HES2: variants seen among roughly 807,000 people sequenced by gnomAD.
The protein encoded by HES2 is hes family bHLH transcription factor 2.
Under a neutral mutation model 11.9 loss-of-function variants are expected in HES2, and 11 were observed. The observed-to-expected ratio is 0.92, with a 90% confidence interval of 0.58 to 1.53. HES2 has a LOEUF of 1.53. HES2 is among the 40% of genes most tolerant of loss of function. The probability of loss-of-function intolerance (pLI) is 0.00; values close to 1 mark genes in which losing one functional copy is unlikely to be tolerated. For missense variants in HES2, 260 were observed against 253.8 expected (o/e 1.02, Z -0.16); for synonymous variants, 125 against 122.8 (o/e 1.02, Z -0.12).
At position 6,419,225 on chromosome 1, in the gene HES2, G is replaced by A; in HGVS notation, c.241+16C>T. On this transcript the variant is annotated intron_variant, in intron 3 of 3. Coordinates refer to ENST00000377834, the MANE Select transcript of HES2 (RefSeq NM_019089.5). The surrounding 1 kb of genome is among the most constrained non-coding windows in gnomAD (Gnocchi z 8.1). ...GGGGTGCAGAGCGCGCGGCAGGGCA[G>A]GGAGGGCTCACTCACGGGGCGCTGC... 2 of 1,604,540 alleles carry A rather than the reference G, an allele frequency of 1.2e-6. No individual in the cohort carries two copies. Among genetic ancestry groups the A allele is most frequent in the African/African-American group, 1.3e-5 (1 of 74,522 alleles).
chr1:6,417,473 AATG>A lies in HES2; in HGVS notation c.*1397_*1399del, dbSNP rs1413736018. 2 of 152,194 alleles carry A rather than the reference AATG, an allele frequency of 1.3e-5. No homozygotes were observed. The highest frequency in any genetic ancestry group is 2.9e-5 in the Non-Finnish European group (2 of 68,046). 9.4% of individuals were successfully genotyped at this position (152,194 alleles called of 1,614,324 possible). On this transcript the variant is annotated 3_prime_UTR_variant, in exon 4 of 4. Coordinates refer to ENST00000377834, the MANE Select transcript of HES2 (RefSeq NM_019089.5). ...CTATGATTTCATGAATCCCCCATGAAATGATGGGTGTTTGCCTGATTATGGGCC... is the reference window on the plus strand; with the variant it reads ...CTATGATTTCATGAATCCCCCATGAAATGGGTGTTTGCCTGATTATGGGCC...
In HES2 at chr1:6,416,780, C is replaced by G. The variant is rs1305089290; in HGVS notation, c.*2093G>C. On this transcript the variant is annotated 3_prime_UTR_variant, in exon 4 of 4. Transcript: ENST00000377834. Reference sequence around the variant, plus strand: ...GGACAAGGGGCCAGTCCTGTGCCTGCCTGATGTGGAGTCCTAGGCGGGCTT... The same window carrying G: ...GGACAAGGGGCCAGTCCTGTGCCTGGCTGATGTGGAGTCCTAGGCGGGCTT... 6.6e-6 allele frequency: 1 copy of G among 152,252 alleles called. No homozygotes were observed. The highest frequency in any genetic ancestry group is 1.5e-5 in the Non-Finnish European group (1 of 68,076). The allele number at this position is 152,252 out of a possible 1,614,324, so 9.4% of individuals were successfully genotyped here.
At position 6,415,626 on chromosome 1, in the gene HES2, C is replaced by T. The variant is rs11364; in HGVS notation, c.*3247G>A. The T allele has an allele frequency of 0.27, 41,017 of 151,946 alleles. 8,879 individuals carry two copies. Among genetic ancestry groups the T allele is most frequent in the African/African-American group, 0.6 (25,017 of 41,358 alleles). 9.4% of individuals were successfully genotyped at this position (151,946 alleles called of 1,614,324 possible). On this transcript the variant is annotated 3_prime_UTR_variant, in exon 4 of 4. Coordinates refer to ENST00000377834, the MANE Select transcript of HES2 (RefSeq NM_019089.5). ...TCCTCACTCACGTGGAAATGAGATT[C>T]GACCTCTCCTAATCACCTGGTGCCC... is the stretch of plus-strand genomic sequence containing the variant.
Position 6,418,271 on chromosome 1 carries a change from A to G in HES2, c.*602T>C, listed in dbSNP as rs1642872125. ...AGACCCCTGGATGTATACTGCCCCT[A>G]TAATTCTGCTCTAGGCAGAAAAGCC... On this transcript the variant is annotated 3_prime_UTR_variant, in exon 4 of 4. Coordinates refer to ENST00000377834, the MANE Select transcript of HES2 (RefSeq NM_019089.5). 1.3e-5 allele frequency: 2 copies of G among 152,454 alleles called. No individual in the cohort carries two copies. The highest frequency in any genetic ancestry group is 3.4e-3 in the Middle Eastern group (1 of 294). 9.4% of individuals were successfully genotyped at this position (152,454 alleles called of 1,614,324 possible). A position where few individuals can be genotyped will look rare whatever the true frequency, so the allele number is the denominator to read the frequency against.
chr1:6,417,522 G>A lies in HES2; in HGVS notation c.*1351C>T, dbSNP rs544332678. On this transcript the variant is annotated 3_prime_UTR_variant, in exon 4 of 4. Transcript: ENST00000377834. ...GGGCCAACAGTGCCCCCCACTCCTCGTGGGCACTCCTGGGATCAGCAGCCC... is the reference window on the plus strand; with the variant it reads ...GGGCCAACAGTGCCCCCCACTCCTCATGGGCACTCCTGGGATCAGCAGCCC... 7.9e-5 allele frequency: 12 copies of A among 152,298 alleles called. No individual in the cohort carries two copies. Among genetic ancestry groups the A allele is most frequent in the East Asian group, 3.9e-4 (2 of 5,184 alleles). 9.4% of individuals were successfully genotyped at this position (152,298 alleles called of 1,614,324 possible). A position where few individuals can be genotyped will look rare whatever the true frequency, so the allele number is the denominator to read the frequency against.
At position 6,416,272 on chromosome 1, in the gene HES2, C is replaced by T. The variant is rs1237501506; in HGVS notation, c.*2601G>A. On this transcript the variant is annotated 3_prime_UTR_variant, in exon 4 of 4. Transcript: ENST00000377834. ...CTCCCTCTGCACAGGAAAAGCCCAC[C>T]GCCCTGCGTTCACCTTTGCCCATCA... 3 of 152,270 alleles carry T rather than the reference C, an allele frequency of 2.0e-5. No individual in the cohort carries two copies. Among genetic ancestry groups the T allele is most frequent in the South Asian group, 2.1e-4 (1 of 4,824 alleles). 9.4% of individuals were successfully genotyped at this position (152,270 alleles called of 1,614,324 possible).
Position 6,418,906 on chromosome 1 carries a change from A to C in HES2, c.489T>G (p.Pro163=), listed in dbSNP as rs1410836571. 2 of 1,315,026 alleles carry C rather than the reference A, an allele frequency of 1.5e-6. No homozygotes were observed. The highest frequency in any genetic ancestry group is 6.2e-5 in the East Asian group (2 of 32,222). 81.5% of individuals were successfully genotyped at this position (1,315,026 alleles called of 1,614,324 possible). ...GCCGCCAGAGGCCAGGGCCGCAGGG[A>C]GGCGAGGGCGGCGAGGGCACCGGAG... ...ASAPVPSPPS[P]PCGPGLWRPW Residue 163 remains proline (P), a synonymous_variant, in exon 4 of 4, where the codon CCT becomes CCG. Transcript: ENST00000377834.
chr1:6,418,882 C>A lies in HES2; in HGVS notation c.513G>T (p.Arg171=). The change falls in exon 4 of 4, where the codon CGG becomes CGT. Residue 171 remains arginine (R), a synonymous_variant. Coordinates refer to ENST00000377834, the MANE Select transcript of HES2 (RefSeq NM_019089.5). The part of the protein sequence containing the change: ...PSPPCGPGLW[R]PW Reference sequence around the variant, plus strand: ...TGGATCGGCCGAGGGGCTACCACGGCCGCCAGAGGCCAGGGCCGCAGGGAG... The same window carrying A: ...TGGATCGGCCGAGGGGCTACCACGGACGCCAGAGGCCAGGGCCGCAGGGAG... 1 of 1,306,302 alleles carries A rather than the reference C, an allele frequency of 7.7e-7. No individual in the cohort carries two copies. The highest frequency in any genetic ancestry group is 1.5e-5 in the African/African-American group (1 of 64,920). 80.9% of individuals were successfully genotyped at this position (1,306,302 alleles called of 1,614,324 possible).
At position 6,419,472 on chromosome 1, in the gene HES2, C is replaced by G. The variant is rs1383471479; in HGVS notation, c.142-132G>C. On this transcript the variant is annotated intron_variant, in intron 2 of 3. Transcript: ENST00000377834. The surrounding 1 kb of genome is among the most constrained non-coding windows in gnomAD (Gnocchi z 8.1). ...GTGGCCTGCTGGGGGTCCGCTCCGA[C>G]GCGCCCACCCCACCCAGGCTCCGCC... is the stretch of plus-strand genomic sequence containing the variant. The G allele has an allele frequency of 8.7e-7, 1 of 1,151,768 alleles. No individual in the cohort carries two copies. Among genetic ancestry groups the G allele is most frequent in the East Asian group, 2.8e-5 (1 of 36,166 alleles). The allele number at this position is 1,151,768 out of a possible 1,614,324, so 71.3% of individuals were successfully genotyped here. A position where few individuals can be genotyped will look rare whatever the true frequency, so the allele number is the denominator to read the frequency against.
Position 6,419,352 on chromosome 1 carries a change from C to T in HES2, c.142-12G>A. 1 of 1,603,728 alleles carries T rather than the reference C, an allele frequency of 6.2e-7. No individual in the cohort carries two copies. The highest frequency in any genetic ancestry group is 8.5e-7 in the Non-Finnish European group (1 of 1,174,670). ...GAGCAGTTGGAGTTCTGCGCCCGGCCACGAGGAAGAGCGACAGAGAACCAC... is the reference window on the plus strand; with the variant it reads ...GAGCAGTTGGAGTTCTGCGCCCGGCTACGAGGAAGAGCGACAGAGAACCAC... On this transcript the variant is annotated splice_polypyrimidine_tract_variant and intron_variant, in intron 2 of 3. Coordinates refer to ENST00000377834, the MANE Select transcript of HES2 (RefSeq NM_019089.5). The surrounding 1 kb of genome is among the most constrained non-coding windows in gnomAD (Gnocchi z 8.1).
At position 6,415,770 on chromosome 1, in the gene HES2, C is replaced by G. The variant is rs1177656262; in HGVS notation, c.*3103G>C. The G allele has an allele frequency of 6.6e-6, 1 of 152,250 alleles. No homozygotes were observed. Among genetic ancestry groups the G allele is most frequent in the Non-Finnish European group, 1.5e-5 (1 of 68,196 alleles). 9.4% of individuals were successfully genotyped at this position (152,250 alleles called of 1,614,324 possible). On this transcript the variant is annotated 3_prime_UTR_variant, in exon 4 of 4. Coordinates refer to ENST00000377834, the MANE Select transcript of HES2 (RefSeq NM_019089.5). Reference sequence around the variant, plus strand: ...TCCTTAGGTCACTGAATCATTTCACCCGCTAGTTTTTTGTTTGTTTGTTTT... The same window carrying G: ...TCCTTAGGTCACTGAATCATTTCACGCGCTAGTTTTTTGTTTGTTTGTTTT...
At position 6,415,374 on chromosome 1, in the gene HES2, T is replaced by C. The variant is rs748406871; in HGVS notation, c.*3499A>G. 1 of 151,994 alleles carries C rather than the reference T, an allele frequency of 6.6e-6. No homozygotes were observed. The highest frequency in any genetic ancestry group is 1.5e-5 in the Non-Finnish European group (1 of 68,016). The allele number at this position is 151,994 out of a possible 1,614,324, so 9.4% of individuals were successfully genotyped here. On this transcript the variant is annotated 3_prime_UTR_variant, in exon 4 of 4. Transcript: ENST00000377834. ...AGCATGTGCCCACTTTGTATCTGTGTGTCACACTTTCGCAATTCTTGCAAT... is the reference window on the plus strand; with the variant it reads ...AGCATGTGCCCACTTTGTATCTGTGCGTCACACTTTCGCAATTCTTGCAAT...
chr1:6,419,177 G>C lies in HES2; in HGVS notation c.242-24C>G, dbSNP rs1468571430. On this transcript the variant is annotated intron_variant, in intron 3 of 3. Coordinates refer to ENST00000377834, the MANE Select transcript of HES2 (RefSeq NM_019089.5). The surrounding 1 kb of genome is among the most constrained non-coding windows in gnomAD (Gnocchi z 8.1). ...CACTGCGGGCGGAGAGCCGCGTGAG[G>C]CGCGGGGTAGGGTGCCGGGTGCGGG... The C allele has an allele frequency of 1.3e-6, 2 of 1,568,732 alleles. No individual in the cohort carries two copies. Among genetic ancestry groups the C allele is most frequent in the South Asian group, 1.1e-5 (1 of 87,186 alleles).
At position 6,418,070 on chromosome 1, in the gene HES2, GA is replaced by G. The variant is rs1642870663; in HGVS notation, c.*802del. 1 of 152,292 alleles carries G rather than the reference GA, an allele frequency of 6.6e-6. No individual in the cohort carries two copies. Among genetic ancestry groups the G allele is most frequent in the African/African-American group, 2.4e-5 (1 of 41,464 alleles). 9.4% of individuals were successfully genotyped at this position (152,292 alleles called of 1,614,324 possible). ...ATTGGCACAGACTCTGCTGGAGTCA[GA>G]TCCTCCAAAGCCACAAGCTTCCTTG... On this transcript the variant is annotated 3_prime_UTR_variant, in exon 4 of 4. Coordinates refer to ENST00000377834, the MANE Select transcript of HES2 (RefSeq NM_019089.5).
Position 6,419,067 on chromosome 1 carries a change from C to A in HES2, c.328G>T (p.Ala110Ser). 6.8e-7 allele frequency: 1 copy of A among 1,479,928 alleles called. No homozygotes were observed. 91.7% of individuals were successfully genotyped at this position (1,479,928 alleles called of 1,614,324 possible). A position where few individuals can be genotyped will look rare whatever the true frequency, so the allele number is the denominator to read the frequency against. Reference sequence around the variant, plus strand: ...TGCTCCAGCAGGCGCGCGCTCACGGCGGGCTCCAGGACACGGCAGGCGGGC... The same window carrying A: ...TGCTCCAGCAGGCGCGCGCTCACGGAGGGCTCCAGGACACGGCAGGCGGGC... ...VLPACRVLEP[A>S]VSARLLEHLW... The change falls in exon 4 of 4, where the codon GCC (alanine) becomes TCC (serine). Residue 110 changes from alanine to serine, a missense_variant. Physicochemically the swap from Ala to Ser is moderately conservative, Grantham distance 99. Coordinates refer to ENST00000377834, the MANE Select transcript of HES2 (RefSeq NM_019089.5). This position sits in a 1 kb window ranked among gnomAD's most constrained non-coding sequence, Gnocchi z 8.1.
rs1259526987 is a variant in HES2 at position 6,417,329 on chromosome 1, TTCTG to T, written c.*1540_*1543del. On this transcript the variant is annotated 3_prime_UTR_variant, in exon 4 of 4. Transcript: ENST00000377834. ...GTGACCATCCCCACTCCCACATTGG[TTCTG>T]TCTTCTTGCCCCCGGTGCTCTGGTC... 4.0e-5 allele frequency: 6 copies of T among 150,496 alleles called. No homozygotes were observed. Among genetic ancestry groups the T allele is most frequent in the African/African-American group, 7.4e-5 (3 of 40,476 alleles). 9.3% of individuals were successfully genotyped at this position (150,496 alleles called of 1,614,324 possible). A position where few individuals can be genotyped will look rare whatever the true frequency, so the allele number is the denominator to read the frequency against.
Position 6,418,972 on chromosome 1 carries a change from G to A in HES2, c.423C>T (p.Ala141=). ...GGGCAGACGCGGGCGCTGGGGCGGG[G>A]GCAGACGGGCCACTGGAATCCCCAG... ...GRAGDSSGPS[A]PAPAPASAPE... Residue 141 remains alanine (A), a synonymous_variant, in exon 4 of 4, where the codon GCC becomes GCT. Coordinates refer to ENST00000377834, the MANE Select transcript of HES2 (RefSeq NM_019089.5). The A allele has an allele frequency of 7.4e-7, 1 of 1,349,820 alleles. No homozygotes were observed. Among genetic ancestry groups the A allele is most frequent in the Non-Finnish European group, 9.4e-7 (1 of 1,060,482 alleles). 83.6% of individuals were successfully genotyped at this position (1,349,820 alleles called of 1,614,324 possible).
In HES2 at chr1:6,418,001, C is replaced by T. The variant is rs1642870245; in HGVS notation, c.*872G>A. 1 of 152,312 alleles carries T rather than the reference C, an allele frequency of 6.6e-6. No individual in the cohort carries two copies. Among genetic ancestry groups the T allele is most frequent in the Non-Finnish European group, 1.5e-5 (1 of 68,102 alleles). The allele number at this position is 152,312 out of a possible 1,614,324, so 9.4% of individuals were successfully genotyped here. A position where few individuals can be genotyped will look rare whatever the true frequency, so the allele number is the denominator to read the frequency against. The stretch of plus-strand genomic sequence containing the variant: ...TCCCATTCTTTAACCTGCTCCATCC[C>T]TCAAATTCCTGCTGCTCCATGGCAG... On this transcript the variant is annotated 3_prime_UTR_variant, in exon 4 of 4. Transcript: ENST00000377834.
Position 6,419,186 on chromosome 1 carries a change from A to AGGGTGCC in HES2, c.242-40_242-34dup. 6.3e-7 allele frequency: 1 copy of AGGGTGCC among 1,578,026 alleles called. No homozygotes were observed. Among genetic ancestry groups the AGGGTGCC allele is most frequent in the South Asian group, 1.1e-5 (1 of 87,994 alleles). On this transcript the variant is annotated intron_variant, in intron 3 of 3. Coordinates refer to ENST00000377834, the MANE Select transcript of HES2 (RefSeq NM_019089.5). This position sits in a 1 kb window ranked among gnomAD's most constrained non-coding sequence, Gnocchi z 8.1. The stretch of plus-strand genomic sequence containing the variant: ...CGGAGAGCCGCGTGAGGCGCGGGGT[A>AGGGTGCC]GGGTGCCGGGTGCGGGGTGCAGAGC...
Sources: allele counts gnomAD v4.1 joint callset, GRCh38; gene constraint gnomAD v4.1.1; non-coding constraint Gnocchi (gnomAD v3.1); transcripts MANE v1.5; gene names NCBI Gene and HGNC (gene_info 2026-07-23, HGNC 2026-07-21).